The following MACROD2 variants were observed in gnomAD, a reference collection of about 807,000 sequenced individuals.
MACROD2 encodes the protein mono-ADP ribosylhydrolase 2.
Under a neutral mutation model 70.4 loss-of-function variants are expected in MACROD2, and 36 were observed. The ratio of observed to expected loss-of-function variants is 0.51; its 90% confidence interval spans 0.39 to 0.68. MACROD2 has a LOEUF of 0.68. Among genes scored for constraint, MACROD2 ranks in the 30% least tolerant of loss-of-function variants. MACROD2 has a pLI of 0.00. For missense variants in MACROD2, 496 were observed against 538.4 expected (o/e 0.92, Z 0.78); for synonymous variants, 172 against 178.8 (o/e 0.96, Z 0.30).
chr20:15,611,528 C>T (rs1763194619), intron 8 of MACROD2, among the ~76,000 whole-genome samples: 1 of 152,058 alleles, frequency 6.6e-6, no homozygotes. Context: ...TCTTCTACTT[C>T]CAGTTGGTGT....
rs558460882 is a variant in MACROD2 at position 14,662,171 on chromosome 20, C to G, written c.302-22672C>G. Among the ~76,000 whole-genome samples, 11 of 152,144 alleles carry G rather than the reference C, an allele frequency of 7.2e-5. 1 individual carries two copies. In the South Asian group the frequency reaches 2.3e-3, roughly 32 times the overall value. ...AACATCCGTGGAACAGAATAGAGAA[C>G]CCAGTAATAAGGCCACACACCTACA... On this transcript the variant is annotated intron_variant, in intron 4 of 17. Transcript: ENST00000684519.
At chr20:15,353,338 A>C (rs1203000763) in intron 6 of MACROD2, among the ~76,000 whole-genome samples, 1 of 152,232 alleles carries the variant, frequency 6.6e-6, no homozygotes, top group Admixed American at 6.5e-5. Context: ...CTTACACCTT[A>C]TACAAAAATT....
intron 8 of MACROD2, among the ~76,000 whole-genome samples, chr20:15,833,398 A>C (rs554800619): frequency 6.6e-6 from 1 of 152,320 alleles, no homozygotes; most frequent in Non-Finnish European, 1.5e-5. Flanking sequence ...CTTGTTTAAC[A>C]CATGACAGTT....
chr20:14,626,944 A>G (rs1263507296), intron 4 of MACROD2: 3 of 152,274 alleles, frequency 2.0e-5, no homozygotes, highest in Non-Finnish European at 4.4e-5. Flanking sequence ...GCCAAAGATA[A>G]GAAGAATTGG....
At chr20:14,779,408 G>T (rs1688680747) in intron 5 of MACROD2, among the ~76,000 whole-genome samples, 1 of 152,070 alleles carries the variant, frequency 6.6e-6, no homozygotes, top group African/African-American at 2.4e-5. Flanking sequence ...AATCACATTT[G>T]CATTTCCTCC....
chr20:15,140,624 C>T (rs1445564461), intron 5 of MACROD2, among the ~76,000 whole-genome samples: 1 of 152,040 alleles, frequency 6.6e-6, no homozygotes, highest in Non-Finnish European at 1.5e-5. Context: ...TGTTTTGTGA[C>T]TGTGATGTTC....
chr20:14,722,426 C>G (rs912450031), intron 5 of MACROD2, among the ~76,000 whole-genome samples: 3 of 152,138 alleles, frequency 2.0e-5, no homozygotes, highest in African/African-American at 7.2e-5. Flanking sequence ...AGGTTTCTGA[C>G]AGGGCATGTG....
chr20:15,428,210 G>GA (rs1344717159), intron 6 of MACROD2, among the ~76,000 whole-genome samples: 4 of 152,216 alleles, frequency 2.6e-5, no homozygotes, highest in African/African-American at 4.8e-5. Context: ...ATTTACTAAA[G>GA]AAAAAAGCAG....
chr20:15,123,485 G>A (rs559698427), intron 5 of MACROD2, among the ~76,000 whole-genome samples: 1 of 152,256 alleles, frequency 6.6e-6, no homozygotes, highest in African/African-American at 2.4e-5. Flanking sequence ...ATTGGATTTT[G>A]AAGACTTAGT....
rs867187722 is a variant in MACROD2 at position 14,623,636 on chromosome 20, G to C, written c.302-61207G>C. Among the ~76,000 whole-genome samples, 4 of 151,926 alleles carry C rather than the reference G, an allele frequency of 2.6e-5. No homozygotes were observed. The Middle Eastern group carries it at 0.01, about 388-fold the overall frequency. On this transcript the variant is annotated intron_variant, in intron 4 of 17. Coordinates refer to ENST00000684519, the MANE Select transcript of MACROD2 (RefSeq NM_001351661.2). ...AAAAACTAACAGATGGTCGTGTTCT[G>C]GAGGACCTGGAGCCAAACAGATAAT...
intron 8 of MACROD2, among the ~76,000 whole-genome samples, chr20:15,624,418 T>G (rs2049172712): frequency 6.6e-6 from 1 of 152,164 alleles, no homozygotes; most frequent in Non-Finnish European, 1.5e-5. Flanking sequence ...AGTTGACACT[T>G]AATATTAACC....
chr20:15,346,700 A>G (rs1204587148), intron 6 of MACROD2, among the ~76,000 whole-genome samples: 1 of 152,130 alleles, frequency 6.6e-6, no homozygotes, highest in African/African-American at 2.4e-5. Context: ...TTCTTGAAAA[A>G]CACTGCAATA....
At chr20:14,854,995 G>A (rs566711544) in intron 5 of MACROD2, among the ~76,000 whole-genome samples, 26 of 151,918 alleles carry the variant, frequency 1.7e-4, no homozygotes, top group Non-Finnish European at 3.7e-4. Flanking sequence ...CAGCCTGGGC[G>A]ACAGAATGAG....
chr20:14,635,566 G>A (rs1416584418), intron 4 of MACROD2, among the ~76,000 whole-genome samples: 2 of 152,146 alleles, frequency 1.3e-5, no homozygotes, highest in African/African-American at 2.4e-5. Context: ...TGTATATTGT[G>A]CTGGCAATTA....
chr20:14,528,556 C>A (rs931890180), intron 4 of MACROD2, among the ~76,000 whole-genome samples: 4 of 152,110 alleles, frequency 2.6e-5, no homozygotes, highest in East Asian at 1.9e-4. Context: ...CTTTTAGCCA[C>A]CTGAACTGCT....
intron 8 of MACROD2, among the ~76,000 whole-genome samples, chr20:15,822,908 G>A (rs576239650): frequency 6.6e-6 from 1 of 152,268 alleles, no homozygotes; most frequent in East Asian, 1.9e-4. Flanking sequence ...ATTTCCCTGT[G>A]TTCTGTGATG....
intron 5 of MACROD2, among the ~76,000 whole-genome samples, chr20:15,168,935 TATGAG>T (rs1442608453): frequency 6.6e-6 from 1 of 152,188 alleles, no homozygotes; most frequent in African/African-American, 2.4e-5. Context: ...ATTCTACTAA[TATGAG>T]ATATCTAGAG....
At chr20:14,637,303 C>T (rs543141476) in intron 4 of MACROD2, among the ~76,000 whole-genome samples, 15 of 152,102 alleles carry the variant, frequency 9.9e-5, no homozygotes, top group African/African-American at 1.7e-4. Context: ...ACTCTAATGA[C>T]GGATATTAGT....
At chr20:14,277,762 G>A (rs1380344856) in intron 3 of MACROD2, among the ~76,000 whole-genome samples, 11 of 152,246 alleles carry the variant, frequency 7.2e-5, no homozygotes, top group South Asian at 2.1e-4. Flanking sequence ...AATTTAATCC[G>A]AGGTGTGGGA....
Sources: gnomAD v4.1 joint callset for allele counts (sites outside exome capture counted in the v4.1 genomes callset) on GRCh38, gnomAD v4.1.1 for gene constraint, MANE v1.5 for transcripts, NCBI Gene and HGNC (gene_info 2026-07-23, HGNC 2026-07-21) for gene names.